The following MGAT5 variants were observed in gnomAD, a reference collection of about 807,000 sequenced individuals.
The protein encoded by MGAT5 is alpha-1,6-mannosylglycoprotein 6-beta-N-acetylglucosaminyltransferase.
In MGAT5, 30 loss-of-function variants were observed where a neutral mutation model predicts 94.3. The observed-to-expected ratio is 0.32, with a 90% CI of 0.24 to 0.43. The LOEUF is 0.43. Among genes scored for constraint, MGAT5 ranks in the 20% least tolerant of loss-of-function variants. The pLI is 1.00. For synonymous variants in MGAT5, 310 were observed against 322.9 expected (o/e 0.96, Z 0.43); for missense variants, 691 against 905.5 (o/e 0.76, Z 3.04).
chr2:134,143,173 T>C (rs1198699884), intron 1 of MGAT5, among the ~76,000 whole-genome samples: 5 of 151,842 alleles, frequency 3.3e-5, no homozygotes, highest in Admixed American at 6.6e-5. Context: ...TTAGTGTTGC[T>C]GGGGGCAGGG....
chr2:134,439,921 G>A (rs568451933), intron 14 of MGAT5, among the ~76,000 whole-genome samples: 1 of 152,138 alleles, frequency 6.6e-6, no homozygotes, highest in Non-Finnish European at 1.5e-5. Flanking sequence ...GTCAGTGCTA[G>A]GAGCCCTGGG....
chr2:134,311,700 T>C (rs1278482934), intron 2 of MGAT5, among the ~76,000 whole-genome samples: 2 of 152,220 alleles, frequency 1.3e-5, no homozygotes, highest in Non-Finnish European at 2.9e-5. Context: ...ATTCTTTTTG[T>C]AACCATATTT....
At chr2:134,209,025 C>T (rs1223176484) in intron 1 of MGAT5, among the ~76,000 whole-genome samples, 1 of 152,156 alleles carries the variant, frequency 6.6e-6, no homozygotes, top group African/African-American at 2.4e-5. Flanking sequence ...CATGGGAAGA[C>T]CCAGACCTCA....
At position 134,254,427 on chromosome 2, in the gene MGAT5, G is replaced by A. The variant is rs527500629; in HGVS notation, c.24G>A (p.Lys8=). Residue 8 remains lysine, a synonymous_variant, in exon 1 of 16, where the codon AAG becomes AAA. Transcript: ENST00000281923. MALFTPW[K]LSSQKLGFFL... is the part of the protein sequence containing the mutation. ...CAATGGCTCTCTTCACTCCGTGGAA[G>A]TTGTCCTCTCAGAAGCTGGGCTTTT... 17 of 1,614,242 alleles carry A rather than the reference G, an allele frequency of 1.1e-5. No homozygotes were observed. In the East Asian group the frequency reaches 3.1e-4, roughly 30 times the overall value.
At chr2:134,154,639 A>G (rs754672649) in intron 1 of MGAT5, among the ~76,000 whole-genome samples, 1 of 152,192 alleles carries the variant, frequency 6.6e-6, no homozygotes, top group Non-Finnish European at 1.5e-5. Flanking sequence ...GTCAGAGGAC[A>G]CTGACCACAC....
chr2:134,375,843 G>T (rs766338952), intron 10 of MGAT5, among the ~76,000 whole-genome samples: 8 of 152,054 alleles, frequency 5.3e-5, no homozygotes, highest in African/African-American at 7.2e-5. Context: ...AACTGGAGAG[G>T]GCCCAGAAAG....
At chr2:134,198,454 G>A (rs1679607365) in intron 1 of MGAT5, among the ~76,000 whole-genome samples, 1 of 152,212 alleles carries the variant, frequency 6.6e-6, no homozygotes, top group Non-Finnish European at 1.5e-5. Context: ...AGCTGGGTGT[G>A]TGAGGCTTGG....
chr2:134,318,035 T>G (rs1687099627), intron 3 of MGAT5, among the ~76,000 whole-genome samples: 1 of 152,206 alleles, frequency 6.6e-6, no homozygotes, highest in Non-Finnish European at 1.5e-5. Flanking sequence ...TATTTGTGGT[T>G]GAGTACTGAG....
intron 1 of MGAT5, among the ~76,000 whole-genome samples, chr2:134,231,926 G>A (rs1378257265): frequency 1.3e-5 from 2 of 152,146 alleles, no homozygotes; most frequent in South Asian, 2.1e-4. Flanking sequence ...GACAAAGATC[G>A]TTCTGTCTGC....
intron 1 of MGAT5, among the ~76,000 whole-genome samples, chr2:134,184,413 CTGCTCTGGGCATG>C (rs911652590): frequency 5.5e-4 from 83 of 152,208 alleles, no homozygotes; most frequent in African/African-American, 2.0e-3. Flanking sequence ...GGTGCTAGTT[CTGCTCTGGGCATG>C]TGCTCTTCTC....
chr2:134,319,165 T>C (rs1687176226), intron 4 of MGAT5, among the ~76,000 whole-genome samples: 1 of 152,176 alleles, frequency 6.6e-6, no homozygotes, highest in Non-Finnish European at 1.5e-5. Context: ...TTCAGTTATT[T>C]TGGAAATATA....
intron 2 of MGAT5, among the ~76,000 whole-genome samples, chr2:134,315,831 A>G (rs536485590): frequency 3.3e-5 from 5 of 152,296 alleles, no homozygotes; most frequent in Middle Eastern, 3.4e-3. Context: ...ATTTATTTTT[A>G]TGCTCTAGTT....
intron 10 of MGAT5, among the ~76,000 whole-genome samples, chr2:134,364,938 C>T (rs1035389400): frequency 1.3e-5 from 2 of 152,170 alleles, no homozygotes; most frequent in African/African-American, 4.8e-5. Flanking sequence ...TTACTCCAAC[C>T]GCATTTCTAA....
chr2:134,258,151 C>T (rs1042640678), intron 1 of MGAT5, among the ~76,000 whole-genome samples: 9 of 96,968 alleles, frequency 9.3e-5, no homozygotes, highest in Admixed American at 2.0e-4. Flanking sequence ...ACCTATGCGC[C>T]AAATTCAGGA....
At chr2:134,192,657 T>G (rs544339667) in intron 1 of MGAT5, among the ~76,000 whole-genome samples, 1 of 152,104 alleles carries the variant, frequency 6.6e-6, no homozygotes, top group Admixed American at 6.5e-5. Flanking sequence ...CATTACTTTT[T>G]AAAATTTTTT....
intron 9 of MGAT5, among the ~76,000 whole-genome samples, chr2:134,357,796 T>C (rs771691244): frequency 1.3e-5 from 2 of 152,076 alleles, no homozygotes; most frequent in African/African-American, 2.4e-5. Flanking sequence ...GCGCTCATCT[T>C]CTCAGCTCAA....
chr2:134,222,990 G>C (rs1680865830), intron 1 of MGAT5, among the ~76,000 whole-genome samples: 1 of 151,840 alleles, frequency 6.6e-6, no homozygotes, highest in Non-Finnish European at 1.5e-5. Context: ...TTAAAAATAT[G>C]TATATTATAT....
At chr2:134,159,072 A>G (rs186895278) in intron 1 of MGAT5, among the ~76,000 whole-genome samples, 277 of 152,360 alleles carry the variant, frequency 1.8e-3, no homozygotes, top group African/African-American at 6.3e-3. Context: ...TACATAAAAT[A>G]CATTTTAAAA....
chr2:134,381,494 CCAGACAGA>C (rs538747520), intron 10 of MGAT5, among the ~76,000 whole-genome samples: 2 of 143,480 alleles, frequency 1.4e-5, no homozygotes, highest in East Asian at 2.0e-4. Context: ...AATAGACAGA[CCAGACAGA>C]CAGACAGACC....
Sources: gnomAD v4.1 joint callset for allele counts (sites outside exome capture counted in the v4.1 genomes callset) on GRCh38, gnomAD v4.1.1 for gene constraint, MANE v1.5 for transcripts, NCBI Gene and HGNC (gene_info 2026-07-23, HGNC 2026-07-21) for gene names.